The following NRXN3 variants were observed in gnomAD, a reference collection of about 807,000 sequenced individuals.
The protein encoded by NRXN3 is neurexin III.
Under a neutral mutation model 137.6 loss-of-function variants are expected in NRXN3, and 32 were observed. The observed-to-expected ratio is 0.23, with a 90% CI of 0.18 to 0.31. NRXN3 has a LOEUF of 0.31. Ranked by LOEUF, NRXN3 falls within the 10% of genes least tolerant of loss-of-function variation. The pLI, the probability that NRXN3 is intolerant of heterozygous loss-of-function variation, is 1.00. For missense variants in NRXN3, 1,574 were observed against 2,062.5 expected (o/e 0.76, Z 4.59); for synonymous variants, 798 against 784.5 (o/e 1.02, Z -0.29).
intron 16 of NRXN3, among the ~76,000 whole-genome samples, chr14:79,629,826 CGTGT>C (rs543719888): frequency 3.9e-4 from 28 of 71,192 alleles, no homozygotes; most frequent in East Asian, 2.5e-3. Context: ...TGTGTGTGTG[CGTGT>C]GTGTGTGTGT....
In NRXN3 at chr14:79,845,617, G is replaced by A. The variant is rs189201647; in HGVS notation, c.4094-15725G>A. ...GAGAGAGAGAGACAGAGAGAGAGAC[G>A]GAGACGGGGAGAGAGACGGAGACGG... On this transcript the variant is annotated intron_variant, in intron 20 of 20. Transcript: ENST00000335750. Among the ~76,000 whole-genome samples the A allele has an allele frequency of 4.6e-3, 608 of 131,234 alleles. 6 individuals are homozygous for A. The highest frequency in any genetic ancestry group is 8.0e-3 in the Non-Finnish European group (493 of 61,790). The allele number at this position is 131,234 out of a possible 152,430, so 86.1% of individuals were successfully genotyped here. A position where few individuals can be genotyped will look rare whatever the true frequency, so the allele number is the denominator to read the frequency against.
At chr14:78,951,750 C>T (rs1376955216) in intron 10 of NRXN3, among the ~76,000 whole-genome samples, 2 of 152,112 alleles carry the variant, frequency 1.3e-5, no homozygotes, top group African/African-American at 4.8e-5. Context: ...CAGAATGTGA[C>T]CACAGTGCCT....
rs191648814 is a variant in NRXN3 at position 79,144,972 on chromosome 14, G to A, written c.3262+156831G>A. On this transcript the variant is annotated intron_variant, in intron 15 of 20. Coordinates refer to ENST00000335750, the MANE Select transcript of NRXN3 (RefSeq NM_001330195.2). ...AGAAATTTTTGTCATAAAACCTGGA[G>A]AATTGATGTTTGAATTCTCCTTGGC... 6.6e-5 allele frequency among the ~76,000 whole-genome samples: 10 copies of A among 152,102 alleles called. No homozygotes were observed. The East Asian group carries it at 1.9e-3, about 30-fold the overall frequency.
At chr14:79,111,682 G>A (rs1220365152) in intron 15 of NRXN3, among the ~76,000 whole-genome samples, 2 of 150,844 alleles carry the variant, frequency 1.3e-5, no homozygotes, top group East Asian at 3.9e-4. Flanking sequence ...ACGTTGCAGT[G>A]AGCTGAGATC....
chr14:78,233,491 T>C (rs966025641), intron 1 of NRXN3, among the ~76,000 whole-genome samples: 18 of 152,260 alleles, frequency 1.2e-4, no homozygotes, highest in African/African-American at 4.3e-4. Flanking sequence ...TACTTAGTAC[T>C]GGACATAGAA....
intron 10 of NRXN3, among the ~76,000 whole-genome samples, chr14:78,870,144 T>C (rs572726216): frequency 5.3e-5 from 8 of 152,276 alleles, no homozygotes; most frequent in African/African-American, 1.9e-4. Context: ...CTAAACTGAC[T>C]TAGCACACTT....
intron 19 of NRXN3, among the ~76,000 whole-genome samples, chr14:79,705,646 CCTGCCATTTCCT>C (rs1390210697): frequency 5.3e-5 from 8 of 152,200 alleles, no homozygotes; most frequent in Admixed American, 3.3e-4. Context: ...TGCCTTTTCA[CCTGCCATTTCCT>C]CTGCCTGCAG....
At chr14:78,753,668 T>TA (rs1179319327) in intron 8 of NRXN3, 2 of 152,152 alleles carry the variant, frequency 1.3e-5, no homozygotes, top group Non-Finnish European at 2.9e-5. Context: ...AGAAAGGAAT[T>TA]ACCTCCAGCA....
intron 8 of NRXN3, among the ~76,000 whole-genome samples, chr14:78,716,734 G>A (rs560068388): frequency 8.5e-5 from 13 of 152,188 alleles, no homozygotes; most frequent in African/African-American, 3.1e-4. Context: ...TACTAGCTAA[G>A]GTATATTTCA....
At chr14:78,385,504 A>C (rs2089840287) in intron 4 of NRXN3, among the ~76,000 whole-genome samples, 1 of 152,214 alleles carries the variant, frequency 6.6e-6, no homozygotes, top group Non-Finnish European at 1.5e-5. Flanking sequence ...ACAGTTATAA[A>C]TCTAAGCACC....
At chr14:78,663,724 C>T (rs1404340764) in intron 6 of NRXN3, among the ~76,000 whole-genome samples, 2 of 151,622 alleles carry the variant, frequency 1.3e-5, no homozygotes, top group Admixed American at 6.6e-5. Context: ...CTTTTTTGCT[C>T]GTCAAGATAA....
chr14:78,695,629 G>A (rs939690045), intron 6 of NRXN3: 3 of 152,058 alleles, frequency 2.0e-5, no homozygotes, highest in African/African-American at 7.3e-5. Flanking sequence ...GAGCTGGTCT[G>A]AGTTCTGGAC....
chr14:78,820,882 A>G (rs969877827), intron 10 of NRXN3, among the ~76,000 whole-genome samples: 1 of 152,210 alleles, frequency 6.6e-6, no homozygotes, highest in Admixed American at 6.5e-5. Flanking sequence ...TTGGATGGTT[A>G]TGAACTCAGG....
intron 4 of NRXN3, among the ~76,000 whole-genome samples, chr14:78,438,113 A>G (rs17107581): frequency 0.17 from 26,418 of 152,088 alleles, 3,975 homozygotes; most frequent in African/African-American, 0.4. Flanking sequence ...TTGACAGGAT[A>G]TGGTAGATTA....
chr14:79,566,598 C>T (rs2097552301), intron 16 of NRXN3, among the ~76,000 whole-genome samples: 1 of 152,044 alleles, frequency 6.6e-6, no homozygotes, highest in Non-Finnish European at 1.5e-5. Flanking sequence ...ACCATAAATG[C>T]CCAGACATAC....
chr14:78,538,090 C>T (rs578081151), intron 4 of NRXN3, among the ~76,000 whole-genome samples: 2 of 152,212 alleles, frequency 1.3e-5, no homozygotes, highest in East Asian at 1.9e-4. Flanking sequence ...CTTGGCAATG[C>T]GGGCTCTTTT....
intron 4 of NRXN3, among the ~76,000 whole-genome samples, chr14:78,417,419 C>A (rs1022005614): frequency 6.6e-6 from 1 of 152,198 alleles, no homozygotes; most frequent in Non-Finnish European, 1.5e-5. Context: ...TGGGAGCATG[C>A]GCAGATGCTC....
At chr14:78,205,287 G>A (rs776542242) in intron 1 of NRXN3, among the ~76,000 whole-genome samples, 2 of 152,232 alleles carry the variant, frequency 1.3e-5, no homozygotes, top group Non-Finnish European at 2.9e-5. Flanking sequence ...CTACTGATGA[G>A]GAAATGGAGG....
intron 10 of NRXN3, among the ~76,000 whole-genome samples, chr14:78,840,037 T>G (rs1036711507): frequency 1.3e-5 from 2 of 152,234 alleles, no homozygotes; most frequent in Non-Finnish European, 2.9e-5. Context: ...TTTTCTATTC[T>G]CAGAATAGGT....
Sources: allele counts gnomAD v4.1 joint callset (sites outside exome capture counted in the v4.1 genomes callset), GRCh38; gene constraint gnomAD v4.1.1; transcripts MANE v1.5; gene names NCBI Gene and HGNC (gene_info 2026-07-23, HGNC 2026-07-21).